Variants in UPRT observed in about 807,000 individuals in gnomAD.
UPRT encodes the protein RP11-311P8.3.
Under a neutral mutation model 22.6 loss-of-function variants are expected in UPRT, and 5 were observed. The ratio of observed to expected loss-of-function variants is 0.22; its 90% CI spans 0.12 to 0.47. UPRT has a LOEUF of 0.47. Ranked by LOEUF, UPRT falls within the 20% of genes least tolerant of loss-of-function variation. UPRT has a pLI of 0.99. For missense variants in UPRT, 181 were observed against 239.9 expected (o/e 0.75, Z 1.62); for synonymous variants, 77 against 87.7 (o/e 0.88, Z 0.68).
intron 4 of UPRT, among the ~76,000 whole-genome samples, chrX:75,171,047 C>A (rs1458844728): frequency 1.8e-5 from 2 of 111,236 alleles, no homozygotes; most frequent in Admixed American, 1.9e-4. Context: ...TGATGATGTA[C>A]CTAGACAATG....
intron 4 of UPRT, among the ~76,000 whole-genome samples, chrX:75,260,266 A>C (rs1293003313): frequency 8.9e-6 from 1 of 112,435 alleles, no homozygotes; most frequent in Non-Finnish European, 1.9e-5. Context: ...ATTAACCTTA[A>C]ATGTAAATGG....
intron 3 of UPRT, among the ~76,000 whole-genome samples, chrX:75,167,706 C>G (rs1487062727): frequency 9.0e-6 from 1 of 110,639 alleles, no homozygotes; most frequent in Non-Finnish European, 1.9e-5. Flanking sequence ...AAGTGTCTGT[C>G]CAGGTCCTTT....
chrX:75,262,561 A>G (rs1201818380), intron 4 of UPRT, among the ~76,000 whole-genome samples: 1 of 111,524 alleles, frequency 9.0e-6, no homozygotes, highest in Non-Finnish European at 1.9e-5. Context: ...AAGACACACA[A>G]AGGCTCAAAA....
At chrX:75,215,684 C>A (rs1050331154) in intron 4 of UPRT, among the ~76,000 whole-genome samples, 2 of 111,158 alleles carry the variant, frequency 1.8e-5, no homozygotes, top group Non-Finnish European at 3.8e-5. Context: ...TTTGACTAGC[C>A]CTATATCCAT....
intron 4 of UPRT, among the ~76,000 whole-genome samples, chrX:75,189,039 C>T (rs1298590381): frequency 8.9e-6 from 1 of 111,866 alleles, no homozygotes; most frequent in African/African-American, 3.3e-5. Flanking sequence ...CTTGGCTCCT[C>T]CCCCCGCTTC....
chrX:75,194,685 G>A (rs952683201), intron 4 of UPRT, among the ~76,000 whole-genome samples: 2 of 111,195 alleles, frequency 1.8e-5, no homozygotes, highest in African/African-American at 6.6e-5. Context: ...TTTTACACGG[G>A]TGATGGTGCC....
chrX:75,221,213 T>A (rs986355939), intron 4 of UPRT, among the ~76,000 whole-genome samples: 1 of 111,202 alleles, frequency 9.0e-6, no homozygotes, highest in Non-Finnish European at 1.9e-5. Context: ...TTGTTTGTTT[T>A]TTTTTTCTTT....
intron 4 of UPRT, among the ~76,000 whole-genome samples, chrX:75,168,805 G>T (rs892123476): frequency 1.8e-5 from 2 of 111,218 alleles, no homozygotes; most frequent in African/African-American, 3.3e-5. Context: ...CTGGGATTAC[G>T]GGCATGAGCC....
At chrX:75,288,308 C>T (rs1185968349) in intron 1 of UPRT, among the ~76,000 whole-genome samples, 1 of 111,456 alleles carries the variant, frequency 9.0e-6, no homozygotes, top group Non-Finnish European at 1.9e-5. Context: ...AGGAAGGACT[C>T]CTACCTAACT....
At chrX:75,159,566 A>G (rs1273760526) in intron 1 of UPRT, among the ~76,000 whole-genome samples, 1 of 111,485 alleles carries the variant, frequency 9.0e-6, no homozygotes, top group Non-Finnish European at 1.9e-5. Flanking sequence ...TTTAATTAGA[A>G]TGCCTCAGGT....
chrX:75,191,290 C>T (rs1017727513), intron 4 of UPRT, among the ~76,000 whole-genome samples: 14 of 112,143 alleles, frequency 1.2e-4, no homozygotes, highest in African/African-American at 4.2e-4. Flanking sequence ...CTGCAGAACG[C>T]GAATATTGCT....
intron 4 of UPRT, among the ~76,000 whole-genome samples, chrX:75,252,146 G>T (rs2082532737): frequency 8.9e-6 from 1 of 111,962 alleles, no homozygotes; most frequent in Non-Finnish European, 1.9e-5. Flanking sequence ...CAGGACATAG[G>T]CATGTGTAAG....
chrX:75,190,930 C>T (rs191171831), intron 4 of UPRT, among the ~76,000 whole-genome samples: 13 of 110,948 alleles, frequency 1.2e-4, no homozygotes, highest in African/African-American at 3.9e-4. Context: ...TGAACTTCCT[C>T]CTTTAGCTTG....
At chrX:75,247,855 G>A (rs750800860) in intron 4 of UPRT, among the ~76,000 whole-genome samples, 17 of 111,484 alleles carry the variant, frequency 1.5e-4, no homozygotes, top group Non-Finnish European at 2.4e-4. Flanking sequence ...CACAGGGCCG[G>A]GTACTCCTCT....
intron 4 of UPRT, among the ~76,000 whole-genome samples, chrX:75,233,285 G>A (rs1457834911): frequency 1.8e-5 from 2 of 110,840 alleles, no homozygotes; most frequent in Non-Finnish European, 3.8e-5. Flanking sequence ...ATGAGACTAT[G>A]TGAAAAGACC....
chrX:75,195,674 G>A (rs1318929720), intron 4 of UPRT, among the ~76,000 whole-genome samples: 1 of 111,933 alleles, frequency 8.9e-6, no homozygotes, highest in African/African-American at 3.3e-5. Flanking sequence ...TTCCCCAGGA[G>A]TCACTGGGTA....
chrX:75,279,812 C>T (rs978544137), intron 1 of UPRT, among the ~76,000 whole-genome samples: 1 of 110,404 alleles, frequency 9.1e-6, no homozygotes, highest in East Asian at 2.8e-4. Context: ...CCCTTTCCTC[C>T]CAAGTTGCTA....
chrX:75,240,606 G>C (rs2082485429), intron 4 of UPRT, among the ~76,000 whole-genome samples: 2 of 111,440 alleles, frequency 1.8e-5, no homozygotes, highest in Non-Finnish European at 3.8e-5. Flanking sequence ...AACAAAGAAA[G>C]AGCCCGCATA....
At chrX:75,186,435 C>T (rs2082291954) in intron 4 of UPRT, among the ~76,000 whole-genome samples, 1 of 111,397 alleles carries the variant, frequency 9.0e-6, no homozygotes, top group African/African-American at 3.3e-5. Flanking sequence ...GAGAGCTTTA[C>T]TTCCAATTAT....
Sources: allele counts gnomAD v4.1 joint callset (sites outside exome capture counted in the v4.1 genomes callset), GRCh38; gene constraint gnomAD v4.1.1; transcripts MANE v1.5; gene names NCBI Gene and HGNC (gene_info 2026-07-23, HGNC 2026-07-21).